Variants in FRMPD3 observed in about 807,000 individuals in gnomAD.
FRMPD3 encodes the protein FERM and PDZ domain containing 3, also known as FERM and PDZ domain-containing protein 3.
A neutral mutation model predicts 97.9 loss-of-function variants in FRMPD3; 42 were observed. The ratio of observed to expected loss-of-function variants is 0.43; its 90% confidence interval spans 0.34 to 0.55. The LOEUF (loss-of-function observed/expected upper bound fraction) is 0.55, where lower values mean the gene tolerates loss of function less well. Among genes scored for constraint, FRMPD3 ranks in the 20% least tolerant of loss-of-function variants. FRMPD3 has a pLI of 0.03. For missense variants in FRMPD3, 1,303 were observed against 1,457.7 expected (o/e 0.89, Z 1.73); for synonymous variants, 577 against 581.1 (o/e 0.99, Z 0.10).
At chrX:107,501,768 G>A (rs186032415) in intron 1 of FRMPD3, among the ~76,000 whole-genome samples, 1 of 107,280 alleles carries the variant, frequency 9.3e-6, no homozygotes, top group African/African-American at 3.4e-5. Flanking sequence ...TGACATAAGC[G>A]TGTGGGGTGC....
In FRMPD3 at chrX:107,600,387, C is replaced by G; in HGVS notation, c.2348C>G (p.Ser783Ter). The G allele has an allele frequency of 8.3e-7, 1 of 1,210,848 alleles. No homozygotes were observed. Among genetic ancestry groups the G allele is most frequent in the Non-Finnish European group, 1.1e-6 (1 of 895,380 alleles). Reference sequence around the variant, plus strand: ...AACTCTTCAGAGCTCACAGACATGTCAGAGATGATGTCGGCCATGAAGCAG... The same window carrying G: ...AACTCTTCAGAGCTCACAGACATGTGAGAGATGATGTCGGCCATGAAGCAG... ...ETNSSELTDMSEMMSAMKQHQ... is the reference protein window; with the variant it reads ...ETNSSELTDM The change falls in exon 15 of 15, where the codon TCA becomes TGA. Residue 783 changes from serine (S) to a stop codon, truncating the protein, a stop_gained. Coordinates refer to ENST00000683843, the MANE Select transcript of FRMPD3 (RefSeq NM_001388459.1). LOFTEE classifies it high-confidence loss of function.
chrX:107,500,997 T>C (rs1192520286), intron 1 of FRMPD3, among the ~76,000 whole-genome samples: 1 of 111,393 alleles, frequency 9.0e-6, no homozygotes, highest in African/African-American at 3.3e-5. Flanking sequence ...AGCAAATATC[T>C]ATCCTTCACC....
chrX:107,480,887 GGAAGGAAGGAAA>G (rs1284330384), intron 1 of FRMPD3, among the ~76,000 whole-genome samples: 62 of 61,347 alleles, frequency 1.0e-3, no homozygotes, highest in South Asian at 4.1e-3. Flanking sequence ...AAGGAAGGAA[GGAAGGAAGGAAA>G]GAAAGAAAGA....
chrX:107,551,501 C>A (rs1921860121), intron 6 of FRMPD3, among the ~76,000 whole-genome samples: 1 of 112,149 alleles, frequency 8.9e-6, no homozygotes, highest in Admixed American at 9.4e-5. Flanking sequence ...TTGGAGTCTT[C>A]TCTGAAGTTC....
At chrX:107,551,646 G>A (rs182530530) in intron 6 of FRMPD3, among the ~76,000 whole-genome samples, 1 of 112,206 alleles carries the variant, frequency 8.9e-6, no homozygotes, top group East Asian at 2.8e-4. Flanking sequence ...GCTTTGACAG[G>A]CTGCCAAGCC....
chrX:107,463,517 A>G (rs1931510075), intron 1 of FRMPD3, among the ~76,000 whole-genome samples: 1 of 112,551 alleles, frequency 8.9e-6, no homozygotes, highest in Admixed American at 9.4e-5. Flanking sequence ...CACTCAGCAC[A>G]GGGCTAAGTG....
intron 1 of FRMPD3, among the ~76,000 whole-genome samples, chrX:107,478,331 T>C (rs1363071601): frequency 9.0e-6 from 1 of 111,624 alleles, no homozygotes; most frequent in African/African-American, 3.3e-5. Context: ...CCCTTTGTTT[T>C]ACATATAAGG....
chrX:107,516,035 C>T (rs1278711865), intron 1 of FRMPD3, among the ~76,000 whole-genome samples: 1 of 76,806 alleles, frequency 1.3e-5, no homozygotes, highest in Non-Finnish European at 2.4e-5. Context: ...CTCCCCCCAC[C>T]CCACAACAGG....
In FRMPD3 at chrX:107,601,552, C is replaced by A. The variant is rs1246615137; in HGVS notation, c.3513C>A (p.Ser1171Arg). ...QSPSCQPRGQSPLRSQAASRQ... is the reference protein window; with the variant it reads ...QSPSCQPRGQRPLRSQAASRQ... ...CCAGCTGCCAACCTCGAGGCCAGAG[C>A]CCACTGAGGTCTCAGGCTGCCAGCC... The change falls in exon 15 of 15, where the codon AGC becomes AGA. Residue 1171 changes from serine (S) to arginine (R), a missense_variant. Ser to Arg is a moderately radical substitution (Grantham distance 110). This residue lies in a region of FRMPD3 where 764 missense variants were observed against 820.2 expected (regional missense o/e 0.93). Transcript: ENST00000683843. The A allele has an allele frequency of 8.4e-7, 1 of 1,191,156 alleles. No individual in the cohort carries two copies. Among genetic ancestry groups the A allele is most frequent in the Non-Finnish European group, 1.1e-6 (1 of 886,081 alleles).
intron 4 of FRMPD3, among the ~76,000 whole-genome samples, chrX:107,540,234 A>T: frequency 8.9e-6 from 1 of 112,083 alleles, no homozygotes; most frequent in Non-Finnish European, 1.9e-5. Flanking sequence ...TGAAACCAGG[A>T]TGGTCCTCCA....
At position 107,597,774 on chromosome X, in the gene FRMPD3, G is replaced by T; in HGVS notation, c.1895G>T (p.Gly632Val). 1.7e-6 allele frequency: 2 copies of T among 1,186,029 alleles called. No individual in the cohort carries two copies. Among genetic ancestry groups the T allele is most frequent in the South Asian group, 3.7e-5 (2 of 54,185 alleles). ...QLGPRKGGKP[G>V]SSRDNIVDLM... ...GGCCCTCGCAAAGGTGGGAAGCCTG[G>T]CTCCTCTCGTGACAATATAGTAGAT... The change falls in exon 14 of 15, where the codon GGC (glycine) becomes GTC (valine). Residue 632 changes from glycine (G) to valine (V), a missense_variant. By Grantham distance (109) the Gly-to-Val change is moderately radical (BLOSUM62 -3). Transcript: ENST00000683843.
intron 4 of FRMPD3, among the ~76,000 whole-genome samples, chrX:107,535,878 C>G (rs1045953103): frequency 1.8e-5 from 2 of 109,653 alleles, no homozygotes; most frequent in African/African-American, 6.7e-5. Flanking sequence ...ATCTTATGTG[C>G]CCTAGACATA....
At chrX:107,572,902 C>A (rs1436763985) in intron 12 of FRMPD3, among the ~76,000 whole-genome samples, 2 of 102,533 alleles carry the variant, frequency 2.0e-5, no homozygotes, top group Non-Finnish European at 4.0e-5. Flanking sequence ...ACTACTACTA[C>A]TACTACTAAT....
Position 107,507,445 on chromosome X carries a change from C to T in FRMPD3, c.-7-19137C>T, listed in dbSNP as rs778499656. ...GGAAACCACCCGAGTGGAGCAGGGG[C>T]GGAGGCGGCCCCTCTGAGTGCTAGG... On this transcript the variant is annotated intron_variant, in intron 1 of 14. Transcript: ENST00000683843. Among the ~76,000 whole-genome samples, 376 of 110,613 alleles carry T rather than the reference C, an allele frequency of 3.4e-3. 3 individuals carry two copies. Among genetic ancestry groups the T allele is most frequent in the African/African-American group, 0.012 (355 of 30,418 alleles).
chrX:107,598,010 G>A lies in FRMPD3; in HGVS notation c.2131G>A (p.Asp711Asn). 1 of 1,210,752 alleles carries A rather than the reference G, an allele frequency of 8.3e-7. No individual in the cohort carries two copies. Among genetic ancestry groups the A allele is most frequent in the Non-Finnish European group, 1.1e-6 (1 of 895,386 alleles). ...CGATGAGATTCCAGTGACATTGATT[G>A]ACAGTGTGCAGACCCGGACAGTTCG... ...LYDEIPVTLI[D>N]SVQTRTVRDH... The change falls in exon 14 of 15, where the codon GAC becomes AAC. Residue 711 changes from aspartate (D) to asparagine (N), a missense_variant. Physicochemically the swap from Asp to Asn is conservative, Grantham distance 23. This residue lies in a region of FRMPD3 where 535 missense variants were observed against 618.6 expected (regional missense o/e 0.86). Transcript: ENST00000683843.
chrX:107,529,234 C>T (rs1334021812), intron 2 of FRMPD3, among the ~76,000 whole-genome samples: 2 of 111,753 alleles, frequency 1.8e-5, no homozygotes, highest in Non-Finnish European at 3.8e-5. Flanking sequence ...TCACCCTTTG[C>T]CCCAACCAAG....
Position 107,600,638 on chromosome X carries a change from G to A in FRMPD3, c.2599G>A (p.Val867Ile), listed in dbSNP as rs1488249744. 1 of 1,207,922 alleles carries A rather than the reference G, an allele frequency of 8.3e-7. No homozygotes were observed. Among genetic ancestry groups the A allele is most frequent in the African/African-American group, 1.7e-5 (1 of 57,799 alleles). ...GAAGCTGCCCCAGTCAGAGGGCCAG[G>A]TACAGGGAGAACGAACATACTCCTT... ...RRKLPQSEGQ[V>I]QGERTYSLAV... Residue 867 changes from valine (V) to isoleucine (I), a missense_variant, in exon 15 of 15, where the codon GTA becomes ATA. By Grantham distance (29) the Val-to-Ile change is conservative. Transcript: ENST00000683843.
At chrX:107,554,569 C>T (rs1173948812) in intron 8 of FRMPD3, 65 bp downstream of exon 8, 1 of 1,150,172 alleles carries the variant, frequency 8.7e-7, no homozygotes, top group African/African-American at 1.8e-5. Flanking sequence ...GCTGTTCTGC[C>T]ATCACAATGA....
chrX:107,500,197 T>C (rs1921871172), intron 1 of FRMPD3, among the ~76,000 whole-genome samples: 1 of 111,252 alleles, frequency 9.0e-6, no homozygotes, highest in Non-Finnish European at 1.9e-5. Flanking sequence ...TGGCGAGGAC[T>C]GGGGTGACCT....
Sources: gnomAD v4.1 joint callset for allele counts (sites outside exome capture counted in the v4.1 genomes callset) on GRCh38, gnomAD v4.1.1 for gene constraint, gnomAD v4.1.1 regional missense constraint, MANE v1.5 for transcripts, NCBI Gene and HGNC (gene_info 2026-07-23, HGNC 2026-07-21) for gene names.